Variants in CTNNBIP1 observed in about 807,000 individuals in gnomAD.
CTNNBIP1 encodes the protein catenin beta interacting protein 1, also known as beta-catenin-interacting protein 1.
A neutral mutation model predicts 11.8 loss-of-function variants in CTNNBIP1; 7 were observed. The observed-to-expected ratio is 0.60, with a 90% confidence interval of 0.34 to 1.12. The LOEUF is 1.12. Ranked by LOEUF, CTNNBIP1 falls within the 50% of genes most tolerant of loss-of-function variation. CTNNBIP1 has a pLI of 0.03. For synonymous variants in CTNNBIP1, 58 were observed against 43.9 expected, an observed-to-expected ratio of 1.32 and a Z score of -1.26; for missense variants, 101 against 113.4, an observed-to-expected ratio of 0.89 and a Z score of 0.50.
chr1:9,903,598 A>G (rs1358578217), intron 1 of CTNNBIP1, among the ~76,000 whole-genome samples: 2 of 152,314 alleles, frequency 1.3e-5, no homozygotes, highest in East Asian at 3.9e-4. Context: ...GTTCCCTTTC[A>G]TAAAAGAAGT....
At chr1:9,884,757 G>T (rs1639151189) in intron 1 of CTNNBIP1, among the ~76,000 whole-genome samples, 2 of 152,186 alleles carry the variant, frequency 1.3e-5, no homozygotes, top group African/African-American at 4.8e-5. Context: ...AAAGACAGGT[G>T]CTGGGGCCAA....
At position 9,850,378 on chromosome 1, in the gene CTNNBIP1, G is replaced by C. The variant is rs1401436298; in HGVS notation, c.*340C>G. On this transcript the variant is annotated 3_prime_UTR_variant, in exon 6 of 6. Transcript: ENST00000377263. ...CCTAACTAAAGCACCAGAGCTCGGA[G>C]AGCTTCCAGGGAAGCCAGATACCGA... The C allele has an allele frequency of 1.3e-5, 3 of 223,848 alleles. No homozygotes were observed. The highest frequency in any genetic ancestry group is 2.7e-5 in the Non-Finnish European group (3 of 112,290). 13.9% of individuals were successfully genotyped at this position (223,848 alleles called of 1,614,324 possible).
In CTNNBIP1 at chr1:9,879,712, G is replaced by A. The variant is rs565651937; in HGVS notation, c.-109-1723C>T. 2.6e-5 allele frequency among the ~76,000 whole-genome samples: 4 copies of A among 152,294 alleles called. No individual in the cohort carries two copies. The South Asian group carries it at 6.2e-4, about 24-fold the overall frequency. On this transcript the variant is annotated intron_variant, in intron 2 of 5. Transcript: ENST00000377263. ...TCTTTCAAAAAGAGATGAAAAGAGT[G>A]AAAAGAGAGCCTTCCTCTACTTCTG...
At chr1:9,890,157 T>C (rs554986191) in intron 1 of CTNNBIP1, among the ~76,000 whole-genome samples, 1 of 152,314 alleles carries the variant, frequency 6.6e-6, no homozygotes, top group Admixed American at 6.5e-5. Context: ...CAGTCCTGAA[T>C]TGAGTGAAAC....
intron 1 of CTNNBIP1, among the ~76,000 whole-genome samples, chr1:9,898,441 T>C (rs922891715): frequency 6.6e-6 from 1 of 151,906 alleles, no homozygotes; most frequent in Admixed American, 6.6e-5. Flanking sequence ...CAAGAATCTG[T>C]GGAATCTGGG....
chr1:9,890,808 T>A (rs1254506803), intron 1 of CTNNBIP1, among the ~76,000 whole-genome samples: 2 of 152,150 alleles, frequency 1.3e-5, no homozygotes, highest in African/African-American at 4.8e-5. Flanking sequence ...GGAACGCTTT[T>A]TCTCTCCTGG....
intron 2 of CTNNBIP1, among the ~76,000 whole-genome samples, chr1:9,881,906 TGAGGAAACCACACAACACAAGGCAAA>T (rs1639090000): frequency 6.6e-6 from 1 of 152,152 alleles, no homozygotes; most frequent in Non-Finnish European, 1.5e-5. Context: ...ACTGAGTGGC[TGAGGAAACCACACAACACAAGGCAAA>T]GAGAAAACCA....
In CTNNBIP1 at chr1:9,872,092, C is replaced by G; in HGVS notation, c.-24-4G>C. Reference sequence around the variant, plus strand: ...CCCTGCCTGGCTCTGGGGACTCCTGCAGAGCAAGCAACAGCATCAAAAGGG... The same window carrying G: ...CCCTGCCTGGCTCTGGGGACTCCTGGAGAGCAAGCAACAGCATCAAAAGGG... On this transcript the variant is annotated splice_polypyrimidine_tract_variant and splice_region_variant and intron_variant, in intron 3 of 5. Coordinates refer to ENST00000377263, the MANE Select transcript of CTNNBIP1 (RefSeq NM_020248.3). This position sits in a 1 kb window ranked among gnomAD's most constrained non-coding sequence, Gnocchi z 4.0. The G allele has an allele frequency of 1.3e-6, 2 of 1,538,732 alleles. No individual in the cohort carries two copies. Among genetic ancestry groups the G allele is most frequent in the Middle Eastern group, 1.7e-4 (1 of 5,932 alleles).
intron 5 of CTNNBIP1, among the ~76,000 whole-genome samples, chr1:9,855,663 A>T (rs983255915): frequency 6.6e-6 from 1 of 152,140 alleles, no homozygotes; most frequent in African/African-American, 2.4e-5. Flanking sequence ...CAAGAGATAA[A>T]GTTATAAAAA....
intron 3 of CTNNBIP1, among the ~76,000 whole-genome samples, chr1:9,877,180 G>A (rs1204168404): frequency 6.6e-6 from 1 of 152,192 alleles, no homozygotes; most frequent in Non-Finnish European, 1.5e-5. Flanking sequence ...AGAGGGACCT[G>A]GAGAACAAGA....
chr1:9,887,966 G>A (rs1309198927), intron 1 of CTNNBIP1, among the ~76,000 whole-genome samples: 1 of 151,632 alleles, frequency 6.6e-6, no homozygotes, highest in Admixed American at 6.6e-5. Flanking sequence ...TGGGATTACA[G>A]GCACCCACCA....
intron 2 of CTNNBIP1, among the ~76,000 whole-genome samples, chr1:9,881,036 T>C (rs1428848493): frequency 2.6e-5 from 4 of 151,900 alleles, no homozygotes; most frequent in African/African-American, 9.7e-5. Flanking sequence ...ATCTTTAAAT[T>C]CTTTTTTTTT....
Position 9,859,707 on chromosome 1 carries a change from G to A in CTNNBIP1, c.188-8931C>T, listed in dbSNP as rs368381937. Among the ~76,000 whole-genome samples the A allele has an allele frequency of 5.9e-5, 9 of 152,352 alleles. 1 individual carries two copies. In the South Asian group the frequency reaches 1.9e-3, roughly 32 times the overall value. ...TGGGTCAGCAATAGTGGATGAAAGA[G>A]AGGAGCATGGAGATTCTAAAGCCCC... On this transcript the variant is annotated intron_variant, in intron 5 of 5. Coordinates refer to ENST00000377263, the MANE Select transcript of CTNNBIP1 (RefSeq NM_020248.3).
At chr1:9,886,852 G>A (rs962809992) in intron 1 of CTNNBIP1, among the ~76,000 whole-genome samples, 4 of 152,130 alleles carry the variant, frequency 2.6e-5, no homozygotes, top group African/African-American at 4.8e-5. Flanking sequence ...ATTTCCACAC[G>A]CTCCACTCTC....
intron 5 of CTNNBIP1, among the ~76,000 whole-genome samples, chr1:9,854,664 G>A (rs1638465288): frequency 6.6e-6 from 1 of 151,756 alleles, no homozygotes; most frequent in African/African-American, 2.4e-5. Flanking sequence ...AAAATCATAA[G>A]GAATCCACTA....
intron 1 of CTNNBIP1, among the ~76,000 whole-genome samples, chr1:9,908,311 C>A (rs1363398397): frequency 6.6e-6 from 1 of 151,134 alleles, no homozygotes; most frequent in Non-Finnish European, 1.5e-5. Flanking sequence ...CCCGCCTTGG[C>A]CTCCCAAAGT....
At chr1:9,908,951 A>T (rs556800971) in intron 1 of CTNNBIP1, among the ~76,000 whole-genome samples, 1 of 152,366 alleles carries the variant, frequency 6.6e-6, no homozygotes, top group South Asian at 2.1e-4. Context: ...GCAAACCGTG[A>T]ATGACACATT....
At chr1:9,897,780 T>C (rs544539362) in intron 1 of CTNNBIP1, among the ~76,000 whole-genome samples, 1 of 151,864 alleles carries the variant, frequency 6.6e-6, no homozygotes, top group East Asian at 1.9e-4. Flanking sequence ...TGCCACTGTA[T>C]TCCAGCCTGT....
intron 1 of CTNNBIP1, among the ~76,000 whole-genome samples, chr1:9,897,453 C>A (rs2101537725): frequency 6.6e-6 from 1 of 151,308 alleles, no homozygotes; most frequent in South Asian, 2.1e-4. Flanking sequence ...GACTCCGTCT[C>A]AAAAAACAAA....
Sources: gnomAD v4.1 joint callset for allele counts (sites outside exome capture counted in the v4.1 genomes callset) on GRCh38, gnomAD v4.1.1 for gene constraint, Gnocchi (gnomAD v3.1) non-coding constraint, MANE v1.5 for transcripts, NCBI Gene and HGNC (gene_info 2026-07-23, HGNC 2026-07-21) for gene names.